ZAP70: variants seen among roughly 807,000 people sequenced by gnomAD.
ZAP70 encodes zeta chain of T cell receptor associated protein kinase 70.
A neutral mutation model predicts 65.8 loss-of-function variants in ZAP70; 27 were observed. The ratio of observed to expected loss-of-function variants is 0.41; its 90% CI spans 0.30 to 0.57. ZAP70 has a LOEUF of 0.57. Among genes scored for constraint, ZAP70 ranks in the 20% least tolerant of loss-of-function variants. The pLI, the probability that ZAP70 is intolerant of heterozygous loss-of-function variation, is 0.28. For synonymous variants in ZAP70, 363 were observed against 360.8 expected, an observed-to-expected ratio of 1.01 and a Z score of -0.07; for missense variants, 696 against 870.5, an observed-to-expected ratio of 0.80 and a Z score of 2.52.
At position 97,715,825 on chromosome 2, in the gene ZAP70, G is replaced by A. The variant is rs896861663; in HGVS notation, c.-22+1831G>A. ...GAATTAGAATAAATGGCTAATGCTCGCAAAGGGTAGTGCAGTCCCCAGCAC... is the reference window on the plus strand; with the variant it reads ...GAATTAGAATAAATGGCTAATGCTCACAAAGGGTAGTGCAGTCCCCAGCAC... On this transcript the variant is annotated intron_variant, in intron 2 of 13. Coordinates refer to ENST00000264972, the MANE Select transcript of ZAP70 (RefSeq NM_001079.4). The surrounding 1 kb of genome is among the most constrained non-coding windows in gnomAD (Gnocchi z 4.1). 1.3e-5 allele frequency among the ~76,000 whole-genome samples: 2 copies of A among 152,204 alleles called. No individual in the cohort carries two copies. Among genetic ancestry groups the A allele is most frequent in the African/African-American group, 2.4e-5 (1 of 41,448 alleles).
At position 97,731,730 on chromosome 2, in the gene ZAP70, T is replaced by C. The variant is rs867182880; in HGVS notation, c.564-1153T>C. Among the ~76,000 whole-genome samples, 10 of 152,246 alleles carry C rather than the reference T, an allele frequency of 6.6e-5. No homozygotes were observed. The highest frequency in any genetic ancestry group is 1.9e-4 in the African/African-American group (8 of 41,466). On this transcript the variant is annotated intron_variant, in intron 4 of 13. Transcript: ENST00000264972. This position sits in a 1 kb window ranked among gnomAD's most constrained non-coding sequence, Gnocchi z 4.0. ...CCTGCGCTGAGAACAGTGCCTGGCC[T>C]GTCAGTAAAGACTTGTCCAGTGAAT...
chr2:97,733,663 G>A, intron 8 of ZAP70, 68 bp downstream of exon 8: 1 of 1,604,644 alleles, frequency 6.2e-7, no homozygotes, highest in South Asian at 1.1e-5. Context: ...CGCTGTCAGG[G>A]CTGTGGGGTT....
At chr2:97,714,077 T>C (rs1676815888) in intron 2 of ZAP70, 83 bp downstream of exon 2, 2 of 153,044 alleles carry the variant, frequency 1.3e-5, no homozygotes, top group Admixed American at 1.3e-4. Context: ...GAATATTAAC[T>C]GGGAGTCAGG....
chr2:97,730,649 G>T (rs1202188617), intron 4 of ZAP70, among the ~76,000 whole-genome samples: 1 of 152,112 alleles, frequency 6.6e-6, no homozygotes, highest in African/African-American at 2.4e-5. Flanking sequence ...AGAGGAGGAG[G>T]CCCCACCTAT....
the ZAP70 span, among the ~76,000 whole-genome samples, chr2:97,752,113 A>G: frequency 6.6e-6 from 1 of 152,220 alleles, no homozygotes; most frequent in Non-Finnish European, 1.5e-5. Flanking sequence ...TTTTCAATCC[A>G]CAGTGAATAT....
the ZAP70 span, among the ~76,000 whole-genome samples, chr2:97,754,128 G>C: frequency 1.2e-4 from 18 of 152,284 alleles, no homozygotes; most frequent in African/African-American, 4.3e-4. Flanking sequence ...AGTTGTGTCA[G>C]ATCTTCAGAT....
Position 97,738,081 on chromosome 2 carries a change from A to G in ZAP70, c.1710A>G (p.Ala570=), listed in dbSNP as rs1677984335. Residue 570 remains alanine, a synonymous_variant, in exon 13 of 14, where the codon GCA becomes GCG. Transcript: ENST00000264972. Reference sequence around the variant, plus strand: ...CAGAGTGTCCACCCGAACTGTACGCACTCATGAGTGACTGCTGGATCTACA... The same window carrying G: ...CAGAGTGTCCACCCGAACTGTACGCGCTCATGAGTGACTGCTGGATCTACA... ...CPPECPPELY[A]LMSDCWIYKW... is the part of the protein sequence containing the mutation. 6.2e-7 allele frequency: 1 copy of G among 1,606,932 alleles called. No individual in the cohort carries two copies. The highest frequency in any genetic ancestry group is 8.5e-7 in the Non-Finnish European group (1 of 1,176,430).
At chr2:97,730,950 G>A (rs765019553) in intron 4 of ZAP70, among the ~76,000 whole-genome samples, 16 of 151,768 alleles carry the variant, frequency 1.1e-4, no homozygotes, top group Non-Finnish European at 2.1e-4. Context: ...AGCTACTTGG[G>A]AGGCTGAGGC....
At chr2:97,734,387 A>G (rs973731366) in intron 8 of ZAP70, 133 bp from the exon 9 acceptor site, 3 of 1,446,348 alleles carry the variant, frequency 2.1e-6, no homozygotes, top group South Asian at 2.9e-5. Context: ...AGGAACACGC[A>G]TGGGCACCCA....
At position 97,739,806 on chromosome 2, in the gene ZAP70, G is replaced by C; in HGVS notation, c.*308G>C. Reference sequence around the variant, plus strand: ...CCCTGGGCCCTGACATTGGAGCCTGGGCATCCTCAGGTGGTCAGGCGTAGA... The same window carrying C: ...CCCTGGGCCCTGACATTGGAGCCTGCGCATCCTCAGGTGGTCAGGCGTAGA... On this transcript the variant is annotated 3_prime_UTR_variant, in exon 14 of 14. Coordinates refer to ENST00000264972, the MANE Select transcript of ZAP70 (RefSeq NM_001079.4). The C allele has an allele frequency of 2.2e-6, 1 of 444,892 alleles. No homozygotes were observed. The highest frequency in any genetic ancestry group is 4.1e-6 in the Non-Finnish European group (1 of 243,526). The allele number at this position is 444,892 out of a possible 1,614,324, so 27.6% of individuals were successfully genotyped here.
downstream of ZAP70, among the ~76,000 whole-genome samples, chr2:97,740,333 T>G (rs897450324): frequency 6.6e-6 from 1 of 152,244 alleles, no homozygotes; most frequent in African/African-American, 2.4e-5. Context: ...ATGCAAACAT[T>G]GTTTTTAAAT....
chr2:97,747,462 A>G, the ZAP70 span, among the ~76,000 whole-genome samples: 1 of 152,352 alleles, frequency 6.6e-6, no homozygotes, highest in South Asian at 2.1e-4. Context: ...GGATCCAGAC[A>G]CAAAAAGCCA....
rs1166837085 is a variant in ZAP70 at position 97,737,081 on chromosome 2, T to C, written c.1290-392T>C. ...CACCAGAACTGCCAGGGTTTGCTGA[T>C]GGATTGGGTGTGAGAGAAAGAGGAG... On this transcript the variant is annotated intron_variant, in intron 10 of 13. Coordinates refer to ENST00000264972, the MANE Select transcript of ZAP70 (RefSeq NM_001079.4). The surrounding 1 kb of genome is among the most constrained non-coding windows in gnomAD (Gnocchi z 5.0). Among the ~76,000 whole-genome samples, 1 of 151,798 alleles carries C rather than the reference T, an allele frequency of 6.6e-6. No individual in the cohort carries two copies. Among genetic ancestry groups the C allele is most frequent in the East Asian group, 1.9e-4 (1 of 5,174 alleles).
chr2:97,733,666 G>A, intron 8 of ZAP70, 71 bp downstream of exon 8: 1 of 1,601,764 alleles, frequency 6.2e-7, no homozygotes. Context: ...TGTCAGGGCT[G>A]TGGGGTTTCA....
rs563763080 is a variant in ZAP70, at chr2:97,730,191, T to C, written c.564-2692T>C. On this transcript the variant is annotated intron_variant, in intron 4 of 13. Coordinates refer to ENST00000264972, the MANE Select transcript of ZAP70 (RefSeq NM_001079.4). Reference sequence around the variant, plus strand: ...GCAGTGAGCCAAGGTTGCACCATTGTACTCCAGCCTGGGCAACAAGAGCAA... The same window carrying C: ...GCAGTGAGCCAAGGTTGCACCATTGCACTCCAGCCTGGGCAACAAGAGCAA... 5.3e-5 allele frequency among the ~76,000 whole-genome samples: 8 copies of C among 152,330 alleles called. No individual in the cohort carries two copies. In the East Asian group the frequency reaches 1.5e-3, roughly 29 times the overall value.
At chr2:97,739,323 G>T (rs1006882081) in intron 13 of ZAP70, 52 bp from the exon 14 acceptor site, 48 of 1,608,116 alleles carry the variant, frequency 3.0e-5, no homozygotes, top group Non-Finnish European at 4.0e-5. Context: ...CACTGGTGAA[G>T]CTGGGTCCTG....
chr2:97,729,826 G>A (rs2104678316), intron 4 of ZAP70, among the ~76,000 whole-genome samples: 1 of 151,966 alleles, frequency 6.6e-6, no homozygotes. Flanking sequence ...GGAATTTGCA[G>A]CTGCTCTTTA....
the ZAP70 span, among the ~76,000 whole-genome samples, chr2:97,754,270 C>T: frequency 8.4e-4 from 128 of 152,250 alleles, no homozygotes; most frequent in Non-Finnish European, 1.5e-3. Context: ...TGGCGAGGCT[C>T]ATGGGGTGAA....
chr2:97,728,106 T>G (rs1677464677), intron 4 of ZAP70, among the ~76,000 whole-genome samples: 1 of 152,232 alleles, frequency 6.6e-6, no homozygotes, highest in South Asian at 2.1e-4. Context: ...AAGGAAAAGT[T>G]CAAACAGTTT....
Sources: gnomAD v4.1 joint callset for allele counts (sites outside exome capture counted in the v4.1 genomes callset) on GRCh38, gnomAD v4.1.1 for gene constraint, Gnocchi (gnomAD v3.1) non-coding constraint, MANE v1.5 for transcripts, NCBI Gene and HGNC (gene_info 2026-07-23, HGNC 2026-07-21) for gene names.